KIAA1217: variants seen among roughly 807,000 people sequenced by gnomAD.
KIAA1217 encodes KIAA1217, also known as sickle tail protein homolog.
A neutral mutation model predicts 163.9 loss-of-function variants in KIAA1217; 88 were observed. The ratio of observed to expected loss-of-function variants is 0.54; its 90% CI spans 0.45 to 0.64. KIAA1217 has a LOEUF of 0.64. KIAA1217 is among the 30% of genes least tolerant of loss of function. The probability of loss-of-function intolerance (pLI) is 0.00; values close to 1 mark genes in which losing one functional copy is unlikely to be tolerated. For synonymous variants in KIAA1217, 903 were observed against 923.1 expected, an observed-to-expected ratio of 0.98 and a Z score of 0.39; for missense variants, 2,372 against 2,475.0, an observed-to-expected ratio of 0.96 and a Z score of 0.88.
At chr10:24,107,167 A>C (rs1292157767) in intron 2 of KIAA1217, among the ~76,000 whole-genome samples, 1 of 152,366 alleles carries the variant, frequency 6.6e-6, no homozygotes, top group Non-Finnish European at 1.5e-5. Flanking sequence ...TAATTCACTT[A>C]GGATAATGGC....
At chr10:24,240,281 CA>C (rs1488541524) in intron 2 of KIAA1217, among the ~76,000 whole-genome samples, 1 of 152,128 alleles carries the variant, frequency 6.6e-6, no homozygotes, top group Non-Finnish European at 1.5e-5. Flanking sequence ...TTCTTCCACA[CA>C]GTGCATGGCA....
intron 1 of KIAA1217, among the ~76,000 whole-genome samples, chr10:23,978,563 G>A (rs1845635465): frequency 6.6e-6 from 1 of 152,080 alleles, no homozygotes; most frequent in South Asian, 2.1e-4. Flanking sequence ...TTCTGGGTCT[G>A]CTTTTAGAGC....
chr10:23,828,560 T>G (rs376899196), intron 1 of KIAA1217, among the ~76,000 whole-genome samples: 4 of 152,226 alleles, frequency 2.6e-5, no homozygotes. Flanking sequence ...TAACTTTTTG[T>G]CTAAAAGAGG....
intron 2 of KIAA1217, among the ~76,000 whole-genome samples, chr10:24,307,358 G>T (rs2042116958): frequency 6.6e-6 from 1 of 152,172 alleles, no homozygotes; most frequent in South Asian, 2.1e-4. Flanking sequence ...GGCTGTGACT[G>T]CTATTATTTC....
intron 1 of KIAA1217, among the ~76,000 whole-genome samples, chr10:23,800,986 A>G (rs984141846): frequency 6.6e-6 from 1 of 152,210 alleles, no homozygotes; most frequent in Admixed American, 6.5e-5. Flanking sequence ...TATATACCCA[A>G]AGGATTATAA....
chr10:24,499,913 G>A (rs567053630), intron 8 of KIAA1217, among the ~76,000 whole-genome samples: 49 of 152,160 alleles, frequency 3.2e-4, no homozygotes, highest in Non-Finnish European at 6.2e-4. Flanking sequence ...ACCATGGGGC[G>A]CCAGCAGCAT....
At chr10:24,328,032 G>A (rs2045157830) in intron 2 of KIAA1217, among the ~76,000 whole-genome samples, 1 of 152,190 alleles carries the variant, frequency 6.6e-6, no homozygotes, top group African/African-American at 2.4e-5. Context: ...CTCCCTGATT[G>A]GGACCCAGGC....
Position 24,542,693 on chromosome 10 carries a change from A to C in KIAA1217, c.3535A>C (p.Asn1179His). ...GATVPPKEKK[N>H]LEFFHEDVRK... is the part of the protein sequence containing the mutation. ...AACATGTCCTACACTATTCTACCAG[A>C]ATTTGGAATTTTTCCATGAAGATGT... The change falls in exon 18 of 21, where the codon AAT becomes CAT. Residue 1179 changes from asparagine (N) to histidine (H), a missense_variant and splice_region_variant. Transcript: ENST00000376454. 3.1e-6 allele frequency: 5 copies of C among 1,614,020 alleles called. 1 individual carries two copies. The highest frequency in any genetic ancestry group is 4.2e-6 in the Non-Finnish European group (5 of 1,179,846).
chr10:24,397,200 C>A (rs556174339), intron 3 of KIAA1217, among the ~76,000 whole-genome samples: 10 of 147,514 alleles, frequency 6.8e-5, no homozygotes, highest in African/African-American at 1.0e-4. Context: ...CAACCTCATA[C>A]CTCCTGGGTT....
chr10:23,912,511 C>T (rs1842478566), intron 1 of KIAA1217, among the ~76,000 whole-genome samples: 1 of 152,048 alleles, frequency 6.6e-6, no homozygotes, highest in African/African-American at 2.4e-5. Context: ...TTTGAGTCCC[C>T]AGTGTCTGTT....
chr10:23,909,532 TA>T (rs57859697), intron 1 of KIAA1217, among the ~76,000 whole-genome samples: 54,604 of 151,558 alleles, frequency 0.36, 11,647 homozygotes, highest in African/African-American at 0.6. Context: ...GTTGAAATTA[TA>T]AAAAAAAGAA....
chr10:24,065,857 T>C (rs2060922042), intron 2 of KIAA1217, among the ~76,000 whole-genome samples: 1 of 152,238 alleles, frequency 6.6e-6, no homozygotes, highest in African/African-American at 2.4e-5. Flanking sequence ...TTAGGATAGT[T>C]AGCTCTTCTT....
chr10:24,291,809 A>G (rs1402500335), intron 2 of KIAA1217, among the ~76,000 whole-genome samples: 1 of 152,198 alleles, frequency 6.6e-6, no homozygotes, highest in Admixed American at 6.5e-5. Flanking sequence ...CAGATTTTTT[A>G]GATCAATAGC....
rs970411672 is a variant in KIAA1217 at position 24,261,755 on chromosome 10, A to G, written c.354+41846A>G. ...TAACCAGGACTCTGAGGATAGGTGC[A>G]GGGTCACTGATGACTGGGAAGAGTT... is the stretch of plus-strand genomic sequence containing the variant. On this transcript the variant is annotated intron_variant, in intron 2 of 20. Transcript: ENST00000376454. Among the ~76,000 whole-genome samples the G allele has an allele frequency of 2.0e-5, 3 of 152,202 alleles. No homozygotes were observed. In the East Asian group the frequency reaches 5.8e-4, roughly 29 times the overall value.
chr10:24,384,367 C>A (rs536384762), intron 3 of KIAA1217, among the ~76,000 whole-genome samples: 2 of 152,234 alleles, frequency 1.3e-5, no homozygotes, highest in Non-Finnish European at 2.9e-5. Context: ...TTCCCATACA[C>A]CCTTGGCCTC....
chr10:24,257,334 G>A (rs1264128908), intron 2 of KIAA1217, among the ~76,000 whole-genome samples: 3 of 152,158 alleles, frequency 2.0e-5, no homozygotes, highest in Non-Finnish European at 2.9e-5. Flanking sequence ...AGGATGGAAC[G>A]GCGTGGGGGG....
intron 9 of KIAA1217, among the ~76,000 whole-genome samples, chr10:24,504,445 CT>C (rs1215933235): frequency 6.6e-6 from 1 of 152,174 alleles, no homozygotes; most frequent in African/African-American, 2.4e-5. Context: ...AAACTTCTGT[CT>C]TTTCAATCGA....
At position 23,760,695 on chromosome 10, in the gene KIAA1217, C is replaced by T. The variant is rs186015625; in HGVS notation, c.-321+65461C>T. 1.8e-4 allele frequency among the ~76,000 whole-genome samples: 27 copies of T among 152,258 alleles called. 1 individual carries two copies. The highest frequency in any genetic ancestry group is 1.4e-3 in the East Asian group (7 of 5,182). ...GTGGCTCATGCCTGTAATCTCAGCA[C>T]TTTGGGAGGCCCAGGTGGGAAGATT... is the stretch of plus-strand genomic sequence containing the variant. On this transcript the variant is annotated intron_variant, in intron 1 of 18. Transcript: ENST00000376462.
intron 2 of KIAA1217, among the ~76,000 whole-genome samples, chr10:24,331,391 C>T (rs985159173): frequency 6.6e-6 from 1 of 152,188 alleles, no homozygotes; most frequent in Non-Finnish European, 1.5e-5. Flanking sequence ...TAAAAAGCAG[C>T]AGCATTAATG....
Sources: gnomAD v4.1 joint callset for allele counts (sites outside exome capture counted in the v4.1 genomes callset) on GRCh38, gnomAD v4.1.1 for gene constraint, MANE v1.5 for transcripts, NCBI Gene and HGNC (gene_info 2026-07-23, HGNC 2026-07-21) for gene names.